Variants in TRAPPC9 observed in about 807,000 individuals in gnomAD.
The protein encoded by TRAPPC9 is IKK2 binding protein.
A neutral mutation model predicts 124.0 loss-of-function variants in TRAPPC9; 83 were observed. The observed-to-expected ratio is 0.67, with a 90% CI of 0.56 to 0.80. TRAPPC9 has a LOEUF of 0.80. Ranked by LOEUF, TRAPPC9 falls within the 30% of genes least tolerant of loss-of-function variation. The pLI, the probability that TRAPPC9 is intolerant of heterozygous loss-of-function variation, is 0.00. For synonymous variants in TRAPPC9, 638 were observed against 617.5 expected (o/e 1.03, Z -0.49); for missense variants, 1,302 against 1,508.3 (o/e 0.86, Z 2.27).
chr8:140,079,009 C>T (rs1275958405), intron 17 of TRAPPC9, among the ~76,000 whole-genome samples: 1 of 152,070 alleles, frequency 6.6e-6, no homozygotes, highest in Non-Finnish European at 1.5e-5. Flanking sequence ...GGGAGGGACC[C>T]AGTGGGAGGT....
chr8:139,928,024 C>T (rs539526427), intron 19 of TRAPPC9, among the ~76,000 whole-genome samples: 16 of 152,290 alleles, frequency 1.1e-4, no homozygotes, highest in African/African-American at 3.9e-4. Context: ...AAATTCCTTG[C>T]GTATAGACAC....
chr8:140,082,889 A>G (rs1444055126), intron 17 of TRAPPC9, among the ~76,000 whole-genome samples: 2 of 152,090 alleles, frequency 1.3e-5, no homozygotes, highest in African/African-American at 4.8e-5. Flanking sequence ...AGCAGGTAAC[A>G]AAGGACTTAA....
chr8:140,007,675 T>C (rs1838849453), intron 18 of TRAPPC9, among the ~76,000 whole-genome samples: 1 of 152,186 alleles, frequency 6.6e-6, no homozygotes, highest in Non-Finnish European at 1.5e-5. Context: ...CCAAGCATGG[T>C]ATACTTTTTT....
At chr8:139,905,914 G>C (rs1831329202) in intron 20 of TRAPPC9, among the ~76,000 whole-genome samples, 2 of 151,936 alleles carry the variant, frequency 1.3e-5, no homozygotes, top group South Asian at 4.2e-4. Flanking sequence ...CCAACATGGT[G>C]AAACTCTGTC....
At chr8:139,814,881 A>G (rs1824721210) in intron 21 of TRAPPC9, among the ~76,000 whole-genome samples, 1 of 152,212 alleles carries the variant, frequency 6.6e-6, no homozygotes, top group African/African-American at 2.4e-5. Context: ...GTGCTTGCAG[A>G]GCAGGGTCTG....
intron 9 of TRAPPC9, among the ~76,000 whole-genome samples, chr8:140,312,197 GGGAGGGGTGTGAACAA>G (rs1387391118): frequency 6.6e-6 from 1 of 152,260 alleles, no homozygotes; most frequent in East Asian, 1.9e-4. Flanking sequence ...ATGGGATTAT[GGGAGGGGTGTGAACAA>G]GGAAGTCCCT....
At chr8:139,827,364 A>G (rs1825707795) in intron 21 of TRAPPC9, among the ~76,000 whole-genome samples, 1 of 152,226 alleles carries the variant, frequency 6.6e-6, no homozygotes, top group Non-Finnish European at 1.5e-5. Flanking sequence ...AGGCTGAGCC[A>G]TGGCTGATCC....
At chr8:140,034,089 T>A (rs1321187781) in intron 17 of TRAPPC9, among the ~76,000 whole-genome samples, 1 of 152,200 alleles carries the variant, frequency 6.6e-6, no homozygotes, top group East Asian at 1.9e-4. Context: ...TGCTAGGGAA[T>A]CATCAACTTT....
Position 140,033,783 on chromosome 8 carries a change from G to C in TRAPPC9, c.2557-9704C>G, listed in dbSNP as rs769647078. On this transcript the variant is annotated intron_variant, in intron 17 of 22. Transcript: ENST00000438773. ...TGCAACCTCCACCTCCCTGGTTCAA[G>C]TGATTCTCCTGCCTCAGCCTCTTGA... Among the ~76,000 whole-genome samples, 107 of 141,960 alleles carry C rather than the reference G, an allele frequency of 7.5e-4. 1 individual carries two copies. The highest frequency in any genetic ancestry group is 4.5e-4 in the East Asian group (2 of 4,460). The allele number at this position is 141,960 out of a possible 152,430, so 93.1% of individuals were successfully genotyped here.
intron 21 of TRAPPC9, among the ~76,000 whole-genome samples, chr8:139,810,896 C>G (rs1484483563): frequency 6.6e-6 from 1 of 152,160 alleles, no homozygotes; most frequent in African/African-American, 2.4e-5. Flanking sequence ...GCTTCCTGTC[C>G]GTGAAGCCCA....
In TRAPPC9 at chr8:140,443,131, C is replaced by CAAAAAAAAAA. The variant is rs1177286944; in HGVS notation, c.585-3944_585-3935dup. On this transcript the variant is annotated intron_variant, in intron 2 of 22. Coordinates refer to ENST00000438773, the MANE Select transcript of TRAPPC9 (RefSeq NM_001160372.4). ...CTGGCAACGGAGCGAGACTCCATCT[C>CAAAAAAAAAA]AAAAAAAAAAAAAAAAAAAAAAAGC... 1.6e-4 allele frequency among the ~76,000 whole-genome samples: 7 copies of CAAAAAAAAAA among 43,986 alleles called. 1 individual carries two copies. The highest frequency in any genetic ancestry group is 2.9e-4 in the Non-Finnish European group (7 of 24,294). The allele number at this position is 43,986 out of a possible 152,430, so 28.9% of individuals were successfully genotyped here.
intron 21 of TRAPPC9, among the ~76,000 whole-genome samples, chr8:139,867,841 C>T (rs1280418025): frequency 3.3e-5 from 5 of 152,134 alleles, no homozygotes; most frequent in African/African-American, 9.7e-5. Flanking sequence ...AACAGCTCAA[C>T]GCAGCAAATG....
intron 17 of TRAPPC9, among the ~76,000 whole-genome samples, chr8:140,120,634 ACATCCATCCATC>A (rs372956034): frequency 6.7e-6 from 1 of 149,810 alleles, no homozygotes; most frequent in African/African-American, 2.5e-5. Context: ...CCAACATCCA[ACATCCATCCATC>A]CATCCATTCA....
intron 17 of TRAPPC9, among the ~76,000 whole-genome samples, chr8:140,130,511 T>A (rs1348936093): frequency 6.6e-6 from 1 of 152,198 alleles, no homozygotes; most frequent in Non-Finnish European, 1.5e-5. Flanking sequence ...AACTGAATTA[T>A]AATCTTGAAA....
rs1212755207 is a variant in TRAPPC9, at chr8:139,731,128, T to C, written c.3380A>G (p.Lys1127Arg). The C allele has an allele frequency of 6.2e-7, 1 of 1,613,946 alleles. No individual in the cohort carries two copies. Among genetic ancestry groups the C allele is most frequent in the African/African-American group, 1.3e-5 (1 of 75,046 alleles). Residue 1127 changes from lysine to arginine, a missense_variant, in exon 23 of 23, where the codon AAG becomes AGG. Lys to Arg is a conservative substitution (Grantham distance 26). Coordinates refer to ENST00000438773, the MANE Select transcript of TRAPPC9 (RefSeq NM_001160372.4). ...GCAGAACCAAGAGGGTGGCAGCTCC[T>C]TGCTGGTGCTGTCCTCGTGGAACCG... ...HIRFHEDSTS[K>R]ELPPSWFCLP...
intron 18 of TRAPPC9, among the ~76,000 whole-genome samples, chr8:139,996,158 C>CAA: frequency 0.22 from 4,209 of 19,460 alleles, 429 homozygotes; most frequent in Non-Finnish European, 0.26. Flanking sequence ...AAAACTTAAG[C>CAA]AAAAAAAAAA....
Position 139,946,527 on chromosome 8 carries a change from A to C in TRAPPC9, c.2811-36227T>G, listed in dbSNP as rs550743646. Among the ~76,000 whole-genome samples the C allele has an allele frequency of 1.3e-3, 196 of 152,322 alleles. 7 individuals are homozygous for C. The South Asian group carries it at 0.039, about 31-fold the overall frequency. On this transcript the variant is annotated intron_variant, in intron 19 of 22. Transcript: ENST00000438773. ...TCCTCTAGCAGTGCTATTTACCATGAATGCTTATAGAGGAAAAGAAGCAGG... is the reference window on the plus strand; with the variant it reads ...TCCTCTAGCAGTGCTATTTACCATGCATGCTTATAGAGGAAAAGAAGCAGG...
chr8:140,029,258 A>C (rs538416003), intron 17 of TRAPPC9, among the ~76,000 whole-genome samples: 1 of 152,362 alleles, frequency 6.6e-6, no homozygotes, highest in South Asian at 2.1e-4. Flanking sequence ...TAGTCCCAGC[A>C]GTTTGGGAGG....
At chr8:140,345,765 T>A (rs1445764904) in intron 9 of TRAPPC9, among the ~76,000 whole-genome samples, 2 of 152,008 alleles carry the variant, frequency 1.3e-5, no homozygotes, top group Non-Finnish European at 2.9e-5. Flanking sequence ...GATGAGGAAA[T>A]GCAGGAGTCA....
Sources: gnomAD v4.1 joint callset for allele counts (sites outside exome capture counted in the v4.1 genomes callset) on GRCh38, gnomAD v4.1.1 for gene constraint, MANE v1.5 for transcripts, NCBI Gene and HGNC (gene_info 2026-07-23, HGNC 2026-07-21) for gene names.